PTPRT: variants seen among roughly 807,000 people sequenced by gnomAD.
The protein encoded by PTPRT is receptor-type tyrosine-protein phosphatase T.
In PTPRT, 56 loss-of-function variants were observed where a neutral mutation model predicts 176.8. That is an observed-to-expected ratio of 0.32 (90% CI 0.26 to 0.40). PTPRT has a LOEUF of 0.40. Among genes scored for constraint, PTPRT ranks in the 10% least tolerant of loss-of-function variants. The pLI is 1.00. For missense variants in PTPRT, 1,540 were observed against 1,908.2 expected, an observed-to-expected ratio of 0.81 and a Z score of 3.60; for synonymous variants, 783 against 739.0, an observed-to-expected ratio of 1.06 and a Z score of -0.96.
chr20:42,379,973 C>T (rs2058684302), intron 9 of PTPRT, among the ~76,000 whole-genome samples: 1 of 152,152 alleles, frequency 6.6e-6, no homozygotes, highest in Non-Finnish European at 1.5e-5. Flanking sequence ...CCATCCATAG[C>T]AAGCCCACAA....
intron 6 of PTPRT, among the ~76,000 whole-genome samples, chr20:42,732,508 G>A (rs1474776857): frequency 2.0e-5 from 3 of 152,208 alleles, no homozygotes; most frequent in Admixed American, 6.5e-5. Flanking sequence ...TGGGGAAGCT[G>A]TAGAAGTCTT....
intron 1 of PTPRT, among the ~76,000 whole-genome samples, chr20:43,147,149 G>C (rs2014193839): frequency 6.6e-6 from 1 of 152,110 alleles, no homozygotes; most frequent in South Asian, 2.1e-4. Flanking sequence ...TACTCGAGGG[G>C]CATCAGCTCT....
intron 1 of PTPRT, among the ~76,000 whole-genome samples, chr20:42,988,408 G>A (rs919345974): frequency 1.3e-4 from 20 of 152,152 alleles, no homozygotes; most frequent in Admixed American, 7.9e-4. Context: ...GAACAGCTGT[G>A]GATCTGTGCT....
intron 1 of PTPRT, among the ~76,000 whole-genome samples, chr20:43,099,596 C>T (rs2012309069): frequency 6.6e-6 from 1 of 152,164 alleles, no homozygotes; most frequent in Non-Finnish European, 1.5e-5. Flanking sequence ...TATTCCATCC[C>T]TACCTCCTAA....
chr20:43,183,253 CA>C (rs1450941524), intron 1 of PTPRT, among the ~76,000 whole-genome samples: 1 of 152,174 alleles, frequency 6.6e-6, no homozygotes, highest in Admixed American at 6.5e-5. Flanking sequence ...GCTAATACAA[CA>C]AACTATTTTG....
intron 1 of PTPRT, among the ~76,000 whole-genome samples, chr20:42,943,794 C>T: frequency 6.6e-6 from 1 of 152,108 alleles, no homozygotes; most frequent in Non-Finnish European, 1.5e-5. Flanking sequence ...ACAGGAAGAT[C>T]ATTCCAGCCT....
intron 1 of PTPRT, among the ~76,000 whole-genome samples, chr20:43,047,906 T>G (rs6016941): frequency 6.6e-6 from 1 of 152,098 alleles, no homozygotes; most frequent in Non-Finnish European, 1.5e-5. Flanking sequence ...TAAGTGGAAT[T>G]TGAACTCAGG....
intron 7 of PTPRT, among the ~76,000 whole-genome samples, chr20:42,573,285 C>A (rs1400483074): frequency 1.3e-5 from 2 of 152,176 alleles, no homozygotes; most frequent in Non-Finnish European, 2.9e-5. Flanking sequence ...AAGGCAAGCA[C>A]CCTGGCCACT....
intron 7 of PTPRT, among the ~76,000 whole-genome samples, chr20:42,484,903 C>T (rs2071442038): frequency 6.6e-6 from 1 of 152,298 alleles, no homozygotes; most frequent in South Asian, 2.1e-4. Context: ...CTCCTAGCTG[C>T]CACATTCTGC....
intron 9 of PTPRT, among the ~76,000 whole-genome samples, chr20:42,385,910 G>C (rs2058740109): frequency 6.6e-6 from 1 of 152,146 alleles, no homozygotes; most frequent in African/African-American, 2.4e-5. Context: ...GACATAGCAA[G>C]ACCATATCAG....
At chr20:43,085,562 A>G (rs1300415505) in intron 1 of PTPRT, among the ~76,000 whole-genome samples, 7 of 152,172 alleles carry the variant, frequency 4.6e-5, no homozygotes, top group Admixed American at 4.6e-4. Flanking sequence ...ATGGCTTGGG[A>G]GGCCTCACAA....
chr20:43,103,757 T>TAAC, intron 1 of PTPRT, among the ~76,000 whole-genome samples: 1 of 150,076 alleles, frequency 6.7e-6, no homozygotes. Flanking sequence ...TCAGTAATAA[T>TAAC]AATAATAATA....
At position 43,059,908 on chromosome 20, in the gene PTPRT, G is replaced by A. The variant is rs372397098; in HGVS notation, c.88+129738C>T. 1.1e-4 allele frequency among the ~76,000 whole-genome samples: 16 copies of A among 152,230 alleles called. No individual in the cohort carries two copies. In the South Asian group the frequency reaches 3.3e-3, roughly 32 times the overall value. Reference sequence around the variant, plus strand: ...TCATGAGAACTGCTTGAACCCAGGAGGGGGAAGTTGCAGTGAGCTGAGATT... The same window carrying A: ...TCATGAGAACTGCTTGAACCCAGGAAGGGGAAGTTGCAGTGAGCTGAGATT... On this transcript the variant is annotated intron_variant, in intron 1 of 30. Coordinates refer to ENST00000373187, the MANE Select transcript of PTPRT (RefSeq NM_007050.6).
chr20:42,217,708 G>A lies in PTPRT; in HGVS notation c.2343-18320C>T, dbSNP rs73120430. Among the ~76,000 whole-genome samples the A allele has an allele frequency of 5.5e-3, 831 of 152,176 alleles. 5 individuals are homozygous for A. The highest frequency in any genetic ancestry group is 7.1e-3 in the Non-Finnish European group (480 of 68,012). ...GGGATGCTTAGTAGCATCCTCCTTG[G>A]TTTCCACCCTCTAGATGCCAGTAGT... On this transcript the variant is annotated intron_variant, in intron 15 of 30. Transcript: ENST00000373187.
At chr20:42,392,605 A>G (rs1213618203) in intron 9 of PTPRT, among the ~76,000 whole-genome samples, 1 of 152,222 alleles carries the variant, frequency 6.6e-6, no homozygotes, top group East Asian at 1.9e-4. Flanking sequence ...AAAGATTGCA[A>G]CATAATCACA....
intron 1 of PTPRT, among the ~76,000 whole-genome samples, chr20:42,990,026 A>G (rs1983807772): frequency 6.6e-6 from 1 of 152,226 alleles, no homozygotes; most frequent in Admixed American, 6.5e-5. Flanking sequence ...GTCATTATTG[A>G]TTATTGTAGA....
intron 2 of PTPRT, among the ~76,000 whole-genome samples, chr20:42,844,789 CCT>C (rs1449901740): frequency 5.9e-5 from 9 of 152,130 alleles, no homozygotes; most frequent in Admixed American, 3.3e-4. Context: ...AGTTCGAGCC[CCT>C]GTTTTGGGTC....
At chr20:42,063,291 T>C in the PTPRT span, among the ~76,000 whole-genome samples, 1 of 152,198 alleles carries the variant, frequency 6.6e-6, no homozygotes, top group African/African-American at 2.4e-5. Flanking sequence ...TTTGGACATA[T>C]GGTACCTCTC....
chr20:42,832,518 C>A (rs1225212172), intron 2 of PTPRT, among the ~76,000 whole-genome samples: 1 of 151,630 alleles, frequency 6.6e-6, no homozygotes, highest in Admixed American at 6.6e-5. Flanking sequence ...AAAAAAAAGA[C>A]ATTTTGAAGA....
Sources: gnomAD v4.1 joint callset for allele counts (sites outside exome capture counted in the v4.1 genomes callset) on GRCh38, gnomAD v4.1.1 for gene constraint, MANE v1.5 for transcripts, NCBI Gene and HGNC (gene_info 2026-07-23, HGNC 2026-07-21) for gene names.